The following ABL2 variants were observed in gnomAD, a reference collection of about 807,000 sequenced individuals.
ABL2 encodes the protein tyrosine-protein kinase ABL2.
In ABL2, 49 loss-of-function variants were observed where a neutral mutation model predicts 107.7. That is an observed-to-expected ratio of 0.45 (90% CI 0.36 to 0.58). The LOEUF is 0.58. Ranked by LOEUF, ABL2 falls within the 20% of genes least tolerant of loss-of-function variation. The pLI is 0.00. For missense variants in ABL2, 1,245 were observed against 1,457.0 expected, an observed-to-expected ratio of 0.85 and a Z score of 2.37; for synonymous variants, 549 against 548.6, an observed-to-expected ratio of 1.00 and a Z score of -0.01.
At chr1:179,210,727 G>A (rs1213629319) in intron 1 of ABL2, among the ~76,000 whole-genome samples, 4 of 151,214 alleles carry the variant, frequency 2.6e-5, no homozygotes, top group East Asian at 1.9e-4. Context: ...AGTGGCGGGC[G>A]CCTGTAGTCC....
intron 1 of ABL2, among the ~76,000 whole-genome samples, chr1:179,198,172 C>CAA (rs201688067): frequency 2.5e-4 from 16 of 63,556 alleles, no homozygotes; most frequent in Admixed American, 5.4e-4. Flanking sequence ...AACCCTGTGC[C>CAA]AAAAAAAAAA....
rs776720827 is a variant in ABL2 at position 179,104,657 on chromosome 1, C to T, written c.*3061G>A. The T allele has an allele frequency of 4.8e-6, 1 of 207,222 alleles. No homozygotes were observed. Among genetic ancestry groups the T allele is most frequent in the Non-Finnish European group, 9.8e-6 (1 of 101,710 alleles). 12.8% of individuals were successfully genotyped at this position (207,222 alleles called of 1,614,324 possible). A position where few individuals can be genotyped will look rare whatever the true frequency, so the allele number is the denominator to read the frequency against. On this transcript the variant is annotated 3_prime_UTR_variant, in exon 12 of 12. Coordinates refer to ENST00000502732, the MANE Select transcript of ABL2 (RefSeq NM_007314.4). ...TTACACAAAGCCTTTTAAGAAAATACTTTAGGTAAAGCACAATCAAGATGT... is the reference window on the plus strand; with the variant it reads ...TTACACAAAGCCTTTTAAGAAAATATTTTAGGTAAAGCACAATCAAGATGT...
chr1:179,173,586 G>A (rs574278927), intron 1 of ABL2, among the ~76,000 whole-genome samples: 2 of 151,942 alleles, frequency 1.3e-5, no homozygotes, highest in South Asian at 4.1e-4. Context: ...TCCTGACCTC[G>A]TGATCCGCCC....
At chr1:179,119,700 G>A (rs969316179) in intron 6 of ABL2, among the ~76,000 whole-genome samples, 2 of 152,120 alleles carry the variant, frequency 1.3e-5, no homozygotes, top group South Asian at 2.1e-4. Context: ...TGTGGTCACA[G>A]TTTTTAATTT....
At chr1:179,189,741 T>C (rs1253406694) in intron 1 of ABL2, among the ~76,000 whole-genome samples, 1 of 152,068 alleles carries the variant, frequency 6.6e-6, no homozygotes, top group Non-Finnish European at 1.5e-5. Context: ...AAGCAAGCAG[T>C]GCACAAGCTG....
Position 179,110,282 on chromosome 1 carries a change from C to T in ABL2, c.1825G>A (p.Gly609Arg), listed in dbSNP as rs773755836. The T allele has an allele frequency of 1.2e-6, 2 of 1,614,192 alleles. No individual in the cohort carries two copies. Among genetic ancestry groups the T allele is most frequent in the East Asian group, 2.2e-5 (1 of 44,884 alleles). ...ATTCTACCTGCTAAGGGACCCATAC[C>T]TGGTGCTAAACTGGAAGCAGAATTT... Reference protein sequence around the residue: ...TENSASSLAPGFIRGAQASSG... With the variant: ...TENSASSLAPRFIRGAQASSG... The change falls in exon 11 of 12, where the codon GGG becomes AGG. Residue 609 changes from glycine to arginine, a missense_variant and splice_region_variant. Coordinates refer to ENST00000502732, the MANE Select transcript of ABL2 (RefSeq NM_007314.4).
intron 9 of ABL2, among the ~76,000 whole-genome samples, chr1:179,114,526 AT>A (rs1240840595): frequency 3.9e-5 from 3 of 76,242 alleles, no homozygotes; most frequent in African/African-American, 1.7e-4. Context: ...GCTTCTGTTT[AT>A]CTACACAGAG....
At chr1:179,181,104 C>T (rs545172983) in intron 1 of ABL2, among the ~76,000 whole-genome samples, 11 of 152,342 alleles carry the variant, frequency 7.2e-5, no homozygotes, top group African/African-American at 2.6e-4. Context: ...GCTGAAAGAA[C>T]AGTACATTCC....
chr1:179,153,522 G>A (rs1450274463), intron 1 of ABL2, among the ~76,000 whole-genome samples: 1 of 152,076 alleles, frequency 6.6e-6, no homozygotes, highest in Non-Finnish European at 1.5e-5. Context: ...CCATCGTCAA[G>A]GCCAGGATCT....
At chr1:179,130,067 G>T (rs1190268643) in intron 3 of ABL2, among the ~76,000 whole-genome samples, 1 of 152,190 alleles carries the variant, frequency 6.6e-6, no homozygotes, top group Non-Finnish European at 1.5e-5. Flanking sequence ...AGCCTCCTGA[G>T]TAGCTAGGAC....
At chr1:179,206,566 T>C (rs1235485039) in intron 1 of ABL2, among the ~76,000 whole-genome samples, 1 of 149,318 alleles carries the variant, frequency 6.7e-6, no homozygotes, top group Non-Finnish European at 1.5e-5. Flanking sequence ...ATAAGCTATA[T>C]AATAGCATCC....
chr1:179,127,953 T>C (rs1271226569), intron 3 of ABL2, among the ~76,000 whole-genome samples: 1 of 151,086 alleles, frequency 6.6e-6, no homozygotes, highest in African/African-American at 2.4e-5. Flanking sequence ...GAGAATTGCT[T>C]GAACCCGGGA....
chr1:179,220,018 G>C (rs1263809157), intron 1 of ABL2, among the ~76,000 whole-genome samples: 1 of 152,188 alleles, frequency 6.6e-6, no homozygotes, highest in Non-Finnish European at 1.5e-5. Context: ...CCTGTTGTGA[G>C]GGATAAACCA....
chr1:179,110,658 G>C, intron 10 of ABL2: 1 of 1,542,704 alleles, frequency 6.5e-7, no homozygotes, highest in Non-Finnish European at 8.8e-7. Context: ...TGCTGCATGT[G>C]GCAGGGGTTC....
In ABL2 at chr1:179,120,250, ATTC is replaced by A; in HGVS notation, c.982_984del (p.Glu328del). On this transcript the variant is annotated inframe_deletion, in exon 6 of 12. Transcript: ENST00000502732. ...TTCATTACTGCAGCTTCTTTCAGGA[ATTC>A]TTCTACCTCCATGGTATCTTCCTAG... The A allele has an allele frequency of 1.2e-6, 2 of 1,607,898 alleles. No individual in the cohort carries two copies. Among genetic ancestry groups the A allele is most frequent in the Non-Finnish European group, 1.7e-6 (2 of 1,176,912 alleles).
Position 179,229,274 on chromosome 1 carries a change from T to G in ABL2, c.124A>C (p.Thr42Pro). Residue 42 changes from threonine to proline, a missense_variant, in exon 1 of 12, where the codon ACA becomes CCA. By Grantham distance (38) the Thr-to-Pro change is conservative. Coordinates refer to ENST00000502732, the MANE Select transcript of ABL2 (RefSeq NM_007314.4). Reference protein sequence around the residue: ...GRRRDPAGRTTETGFNIFTQH... With the variant: ...GRRRDPAGRTPETGFNIFTQH... ...GTGAAGATATTGAAGCCGGTCTCTGTGGTGCGCCCCGCCGGGTCCCGCCTG... is the reference window on the plus strand; with the variant it reads ...GTGAAGATATTGAAGCCGGTCTCTGGGGTGCGCCCCGCCGGGTCCCGCCTG... The G allele has an allele frequency of 6.4e-7, 1 of 1,564,226 alleles. No individual in the cohort carries two copies. The highest frequency in any genetic ancestry group is 1.2e-5 in the South Asian group (1 of 86,088).
intron 1 of ABL2, among the ~76,000 whole-genome samples, chr1:179,156,882 A>AAAATAAAT (rs143172971): frequency 2.0e-4 from 29 of 142,130 alleles, no homozygotes; most frequent in East Asian, 6.1e-4. Flanking sequence ...AGTCTGTCTC[A>AAAATAAAT]AAATAAATAA....
At chr1:179,214,655 T>TA (rs1437756186) in intron 1 of ABL2, among the ~76,000 whole-genome samples, 1 of 151,300 alleles carries the variant, frequency 6.6e-6, no homozygotes, top group South Asian at 2.1e-4. Flanking sequence ...CTCAAATATA[T>TA]ATACCCTTCG....
At chr1:179,219,859 A>G (rs1662777245) in intron 1 of ABL2, among the ~76,000 whole-genome samples, 1 of 152,258 alleles carries the variant, frequency 6.6e-6, no homozygotes, top group Admixed American at 6.5e-5. Context: ...AGCAGTGCTT[A>G]GGTTTACAAA....
Sources: allele counts gnomAD v4.1 joint callset (sites outside exome capture counted in the v4.1 genomes callset), GRCh38; gene constraint gnomAD v4.1.1; transcripts MANE v1.5; gene names NCBI Gene and HGNC (gene_info 2026-07-23, HGNC 2026-07-21).